Variants in PTPRN2 observed in about 807,000 individuals in gnomAD.
PTPRN2 encodes the protein receptor-type tyrosine-protein phosphatase N2.
Under a neutral mutation model 118.8 loss-of-function variants are expected in PTPRN2, and 74 were observed. The ratio of observed to expected loss-of-function variants is 0.62; its 90% CI spans 0.52 to 0.76. The LOEUF (loss-of-function observed/expected upper bound fraction) is 0.76, where lower values mean the gene tolerates loss of function less well. PTPRN2 is among the 30% of genes least tolerant of loss of function. PTPRN2 has a pLI of 0.00. For missense variants in PTPRN2, 1,481 were observed against 1,394.4 expected (o/e 1.06, Z -0.99); for synonymous variants, 641 against 608.0 (o/e 1.05, Z -0.80).
At position 157,609,400 on chromosome 7, in the gene PTPRN2, A is replaced by T. The variant is rs930262788; in HGVS notation, c.2345-5325T>A. Among the ~76,000 whole-genome samples, 28 of 152,194 alleles carry T rather than the reference A, an allele frequency of 1.8e-4. No homozygotes were observed. The highest frequency in any genetic ancestry group is 3.4e-3 in the Middle Eastern group (1 of 294). On this transcript the variant is annotated intron_variant, in intron 15 of 22. Coordinates refer to ENST00000389418, the MANE Select transcript of PTPRN2 (RefSeq NM_002847.5). The surrounding 1 kb of genome is among the most constrained non-coding windows in gnomAD (Gnocchi z 4.9). ...CTCTGTCTCAAAAAAATTTTTTTTT[A>T]AATATAAAAAAAAAGAGTATTTCAA...
rs114958462 is a variant in PTPRN2 at position 158,111,105 on chromosome 7, C to T, written c.1557-190G>A. On this transcript the variant is annotated intron_variant, in intron 9 of 22. Coordinates refer to ENST00000389418, the MANE Select transcript of PTPRN2 (RefSeq NM_002847.5). ...CAGCAACAAGACAAACAGTGCAGTG[C>T]GGACGGGGCTGTGGGAATCGCAAGT... Among the ~76,000 whole-genome samples the T allele has an allele frequency of 7.3e-3, 1,109 of 152,268 alleles. 21 individuals are homozygous for T. The highest frequency in any genetic ancestry group is 0.025 in the African/African-American group (1,038 of 41,548).
intron 11 of PTPRN2, among the ~76,000 whole-genome samples, chr7:157,993,299 T>A (rs1804395872): frequency 6.6e-6 from 1 of 151,862 alleles, no homozygotes; most frequent in South Asian, 2.1e-4. Flanking sequence ...GAAAATAGAT[T>A]TTTTCCTAGG....
At chr7:158,263,584 T>A (rs568055018) in intron 3 of PTPRN2, among the ~76,000 whole-genome samples, 6 of 152,348 alleles carry the variant, frequency 3.9e-5, no homozygotes, top group African/African-American at 1.4e-4. Flanking sequence ...GTATTTCCCA[T>A]CGCTCTGCCA....
chr7:158,126,818 G>A (rs1817725704), intron 9 of PTPRN2, among the ~76,000 whole-genome samples: 1 of 152,180 alleles, frequency 6.6e-6, no homozygotes, highest in Non-Finnish European at 1.5e-5. Context: ...ACTCACTGAG[G>A]GTGGCAGATG....
At chr7:158,388,707 T>G (rs1811696868) in intron 2 of PTPRN2, among the ~76,000 whole-genome samples, 1 of 152,146 alleles carries the variant, frequency 6.6e-6, no homozygotes, top group Non-Finnish European at 1.5e-5. Context: ...TGGGGGGGCC[T>G]GAAAGGCCCA....
chr7:158,454,159 G>T (rs1300497075), intron 2 of PTPRN2, among the ~76,000 whole-genome samples: 1 of 151,934 alleles, frequency 6.6e-6, no homozygotes, highest in Non-Finnish European at 1.5e-5. Context: ...GGGGATGGTT[G>T]CTATGGAGGA....
chr7:158,212,182 A>T (rs943502413), intron 3 of PTPRN2, among the ~76,000 whole-genome samples: 1 of 152,128 alleles, frequency 6.6e-6, no homozygotes, highest in Non-Finnish European at 1.5e-5. Context: ...GAACTTATAG[A>T]GAGTAGAACA....
Position 157,817,893 on chromosome 7 carries a change from G to C in PTPRN2, c.1788+80780C>G, listed in dbSNP as rs193178299. Among the ~76,000 whole-genome samples, 430 of 152,174 alleles carry C rather than the reference G, an allele frequency of 2.8e-3. 7 individuals are homozygous for C. In the East Asian group the frequency reaches 0.031, roughly 11 times the overall value. On this transcript the variant is annotated intron_variant, in intron 12 of 22. Coordinates refer to ENST00000389418, the MANE Select transcript of PTPRN2 (RefSeq NM_002847.5). ...TGCACATGATGTTTGTGTGGTGTGT[G>C]TAGTGAGATGTGTGTATGTATCATG...
At chr7:158,337,225 T>TAACA (rs1256656193) in intron 2 of PTPRN2, among the ~76,000 whole-genome samples, 5 of 151,622 alleles carry the variant, frequency 3.3e-5, no homozygotes, top group African/African-American at 1.2e-4. Context: ...CAGACGTCAC[T>TAACA]AACACCCACA....
chr7:158,313,099 A>T (rs539265424), intron 3 of PTPRN2, among the ~76,000 whole-genome samples: 20 of 151,776 alleles, frequency 1.3e-4, no homozygotes, highest in African/African-American at 3.9e-4. Context: ...CATGTGTATG[A>T]GTGTGCAAGT....
chr7:157,788,723 T>C (rs934867562), intron 12 of PTPRN2, among the ~76,000 whole-genome samples: 3 of 152,106 alleles, frequency 2.0e-5, no homozygotes, highest in African/African-American at 7.2e-5. Flanking sequence ...GCAGGAGGCC[T>C]CCGGGGCCAC....
intron 14 of PTPRN2, 103 bp downstream of exon 14, chr7:157,656,253 GC>G: frequency 8.2e-7 from 1 of 1,222,482 alleles, no homozygotes. Context: ...AGCCATCATC[GC>G]CCAGTCCCCG....
chr7:158,131,313 T>C (rs1818251192), intron 9 of PTPRN2, among the ~76,000 whole-genome samples: 1 of 129,906 alleles, frequency 7.7e-6, no homozygotes, highest in Admixed American at 8.2e-5. Context: ...AATACACATC[T>C]ACCCCACATA....
intron 19 of PTPRN2, among the ~76,000 whole-genome samples, chr7:157,574,846 G>C (rs1799941830): frequency 6.6e-6 from 1 of 152,222 alleles, no homozygotes; most frequent in Non-Finnish European, 1.5e-5. Flanking sequence ...GAATGTGTTC[G>C]CTCAAACCCA....
chr7:158,341,522 C>T (rs1437749514), intron 2 of PTPRN2, among the ~76,000 whole-genome samples: 9 of 117,374 alleles, frequency 7.7e-5, no homozygotes, highest in East Asian at 5.0e-4. Context: ...CTCACACCCA[C>T]ACTCTCACCA....
intron 11 of PTPRN2, among the ~76,000 whole-genome samples, chr7:158,033,219 G>A (rs1279631459): frequency 6.6e-6 from 1 of 152,182 alleles, no homozygotes; most frequent in African/African-American, 2.4e-5. Flanking sequence ...CAAGCCTGAT[G>A]GAGCCATCAG....
intron 12 of PTPRN2, among the ~76,000 whole-genome samples, chr7:157,888,171 G>A (rs1035363561): frequency 2.0e-5 from 3 of 151,962 alleles, no homozygotes; most frequent in African/African-American, 7.3e-5. Flanking sequence ...GGTTCTTTAG[G>A]CTGAGCCGGC....
chr7:158,547,006 AAAG>A lies in PTPRN2; in HGVS notation c.112+40549_112+40551del, dbSNP rs547552173. 9.5e-4 allele frequency among the ~76,000 whole-genome samples: 145 copies of A among 152,242 alleles called. 1 individual carries two copies. The highest frequency in any genetic ancestry group is 3.2e-3 in the African/African-American group (134 of 41,550). ...CAGAGCTCACGGCAGAGCGGCACAG[AAAG>A]AAGCTCAGACCCAGGCCCTCCTGCC... On this transcript the variant is annotated intron_variant, in intron 1 of 22. Transcript: ENST00000389418.
Position 157,610,158 on chromosome 7 carries a change from C to T in PTPRN2, c.2345-6083G>A, listed in dbSNP as rs887220889. Among the ~76,000 whole-genome samples, 1 of 152,182 alleles carries T rather than the reference C, an allele frequency of 6.6e-6. No individual in the cohort carries two copies. Among genetic ancestry groups the T allele is most frequent in the Non-Finnish European group, 1.5e-5 (1 of 68,030 alleles). ...GCCTCCCACCAGCACATGGGCTCCA[C>T]GGTGCTGCTGTTTGGAGGATGCGTG... On this transcript the variant is annotated intron_variant, in intron 15 of 22. Transcript: ENST00000389418. The surrounding 1 kb of genome is among the most constrained non-coding windows in gnomAD (Gnocchi z 5.1).
Sources: allele counts gnomAD v4.1 joint callset (sites outside exome capture counted in the v4.1 genomes callset), GRCh38; gene constraint gnomAD v4.1.1; non-coding constraint Gnocchi (gnomAD v3.1); transcripts MANE v1.5; gene names NCBI Gene and HGNC (gene_info 2026-07-23, HGNC 2026-07-21).